Variants in GCC2 observed in about 807,000 individuals in gnomAD.
The protein encoded by GCC2 is GRIP and coiled-coil domain-containing protein 2.
Under a neutral mutation model 210.6 loss-of-function variants are expected in GCC2, and 120 were observed. That is an observed-to-expected ratio of 0.57 (90% confidence interval 0.49 to 0.66). The LOEUF (loss-of-function observed/expected upper bound fraction) is 0.66, where lower values mean the gene tolerates loss of function less well. GCC2 is among the 30% of genes least tolerant of loss of function. GCC2 has a pLI of 0.00. For missense variants in GCC2, 1,868 were observed against 1,871.9 expected (o/e 1.00, Z 0.04); for synonymous variants, 703 against 652.7 (o/e 1.08, Z -1.17).
rs1187652885 is a variant in GCC2 at position 108,469,047 on chromosome 2, T to C, written c.284T>C (p.Leu95Pro). 6.2e-7 allele frequency: 1 copy of C among 1,612,200 alleles called. No individual in the cohort carries two copies. Among genetic ancestry groups the C allele is most frequent in the South Asian group, 1.1e-5 (1 of 91,012 alleles). Reference sequence around the variant, plus strand: ...GAGACTGAGCAACAGTGTCTTTCTCTGAAAAAGGAAAATATAAAAATGAAG... The same window carrying C: ...GAGACTGAGCAACAGTGTCTTTCTCCGAAAAAGGAAAATATAAAAATGAAG... ...KAETEQQCLSLKKENIKMKQE... is the reference protein window; with the variant it reads ...KAETEQQCLSPKKENIKMKQE... The change falls in exon 5 of 23, where the codon CTG becomes CCG. Residue 95 changes from leucine to proline, a missense_variant. Coordinates refer to ENST00000309863, the MANE Select transcript of GCC2 (RefSeq NM_181453.4).
At chr2:108,491,315 T>C (rs1046568507) in intron 18 of GCC2, among the ~76,000 whole-genome samples, 7 of 152,198 alleles carry the variant, frequency 4.6e-5, no homozygotes, top group African/African-American at 1.4e-4. Context: ...TGCCTGAGAA[T>C]AGACACTTTA....
At position 108,504,912 on chromosome 2, in the gene GCC2, G is replaced by C. The variant is rs531730704; in HGVS notation, c.4985-2648G>C. 1.9e-3 allele frequency among the ~76,000 whole-genome samples: 291 copies of C among 152,252 alleles called. 3 individuals carry two copies. Among genetic ancestry groups the C allele is most frequent in the African/African-American group, 6.7e-3 (277 of 41,550 alleles). On this transcript the variant is annotated intron_variant, in intron 22 of 22. Coordinates refer to ENST00000309863, the MANE Select transcript of GCC2 (RefSeq NM_181453.4). ...GCAACCCAATAGGAAAATAGGCCAA[G>C]CCTGTTATAGGCTTTTTGATCATCT...
rs1417198054 is a variant in GCC2 at position 108,472,876 on chromosome 2, TAA to T, written c.2840_2841del (p.Lys947ArgfsTer22). ...GTAAAAAATGATCCTCTGTCTTCAG[TAA>T]AAGAGTTGGAAGAAAAAATAGGTAA... On this transcript the variant is annotated frameshift_variant, in exon 7 of 23. Transcript: ENST00000309863. LOFTEE classifies it high-confidence loss of function. The T allele has an allele frequency of 1.9e-6, 3 of 1,592,100 alleles. No individual in the cohort carries two copies. In the African/African-American group the frequency reaches 4.0e-5, roughly 21 times the overall value.
At chr2:108,461,059 A>G (rs918348228) in intron 4 of GCC2, among the ~76,000 whole-genome samples, 4 of 152,144 alleles carry the variant, frequency 2.6e-5, no homozygotes, top group African/African-American at 9.7e-5. Flanking sequence ...TTTTCTTTAT[A>G]AATTACCCAG....
In GCC2 at chr2:108,470,680, GAAA is replaced by G. The variant is rs1681151508; in HGVS notation, c.1354_1356del (p.Lys452del). On this transcript the variant is annotated inframe_deletion, in exon 6 of 23. Transcript: ENST00000309863. Reference sequence around the variant, plus strand: ...GACATTTTTGTCAGATTCAGAAAAAGAAAAATTAACATTAATGTTTGAAATACA... The same window carrying G: ...GACATTTTTGTCAGATTCAGAAAAAGAATTAACATTAATGTTTGAAATACA... 6.2e-7 allele frequency: 1 copy of G among 1,610,162 alleles called. No individual in the cohort carries two copies. The highest frequency in any genetic ancestry group is 8.5e-7 in the Non-Finnish European group (1 of 1,178,328).
chr2:108,496,149 G>C (rs1281275359), intron 20 of GCC2: 1 of 151,744 alleles, frequency 6.6e-6, no homozygotes, highest in Non-Finnish European at 1.5e-5. Context: ...GAAGTTTATA[G>C]TCACAAATAG....
chr2:108,500,430 T>C (rs1682860962), intron 22 of GCC2, among the ~76,000 whole-genome samples: 1 of 152,194 alleles, frequency 6.6e-6, no homozygotes, highest in Non-Finnish European at 1.5e-5. Context: ...GGAGAATTGC[T>C]CAAATCCAGG....
chr2:108,505,924 T>G (rs919027304), intron 22 of GCC2, among the ~76,000 whole-genome samples: 2 of 152,128 alleles, frequency 1.3e-5, no homozygotes, highest in African/African-American at 2.4e-5. Context: ...CCATGTAAAA[T>G]TTTGAAAATG....
chr2:108,453,974 A>G (rs1680102583), intron 4 of GCC2, among the ~76,000 whole-genome samples: 1 of 151,822 alleles, frequency 6.6e-6, no homozygotes, highest in South Asian at 2.1e-4. Context: ...TCCGTTGGTT[A>G]TATATTTATT....
At chr2:108,505,652 C>T (rs1683145183) in intron 22 of GCC2, among the ~76,000 whole-genome samples, 1 of 151,968 alleles carries the variant, frequency 6.6e-6, no homozygotes, top group Admixed American at 6.6e-5. Flanking sequence ...TAAATTCTTC[C>T]AACTACCACA....
rs371444812 is a variant in GCC2 at position 108,452,309 on chromosome 2, TG to T, written c.149-84del. 2.0e-4 allele frequency: 152 copies of T among 764,184 alleles called. No homozygotes were observed. In the East Asian group the frequency reaches 3.2e-3, roughly 16 times the overall value. The allele number at this position is 764,184 out of a possible 1,614,324, so 47.3% of individuals were successfully genotyped here. A position where few individuals can be genotyped will look rare whatever the true frequency, so the allele number is the denominator to read the frequency against. Reference sequence around the variant, plus strand: ...AAATATATTCTAATTTGCAGATTTATGGGGGGTTTTGTGAGAATGTACTTAT... The same window carrying T: ...AAATATATTCTAATTTGCAGATTTATGGGGGTTTTGTGAGAATGTACTTAT... On this transcript the variant is annotated intron_variant, in intron 3 of 22. Transcript: ENST00000309863.
chr2:108,507,615 G>C lies in GCC2; in HGVS notation c.5040G>C (p.Trp1680Cys), dbSNP rs1683267061. The change falls in exon 23 of 23, where the codon TGG becomes TGC. Residue 1680 changes from tryptophan to cysteine, a missense_variant. Coordinates refer to ENST00000309863, the MANE Select transcript of GCC2 (RefSeq NM_181453.4). Reference sequence around the variant, plus strand: ...GATGGGCATCCTATCTTCATAGTTGGTCTGGACTTCGATAGGTTGATGGAA... The same window carrying C: ...GATGGGCATCCTATCTTCATAGTTGCTCTGGACTTCGATAGGTTGATGGAA... Reference protein sequence around the residue: ...SSGWASYLHSWSGLR With the variant: ...SSGWASYLHSCSGLR The C allele has an allele frequency of 6.3e-7, 1 of 1,597,024 alleles. No homozygotes were observed.
intron 18 of GCC2, among the ~76,000 whole-genome samples, chr2:108,491,162 C>T (rs970211631): frequency 2.6e-5 from 4 of 152,110 alleles, no homozygotes; most frequent in African/African-American, 4.8e-5. Context: ...ATCTGTATTA[C>T]GCAGAGACTA....
At chr2:108,490,880 C>G (rs1191140919) in intron 18 of GCC2, among the ~76,000 whole-genome samples, 1 of 152,102 alleles carries the variant, frequency 6.6e-6, no homozygotes, top group African/African-American at 2.4e-5. Flanking sequence ...ACTGTTGATT[C>G]CTCTAAAGTA....
At position 108,508,223 on chromosome 2, in the gene GCC2, T is replaced by A. The variant is rs2104528611; in HGVS notation, c.*593T>A. On this transcript the variant is annotated 3_prime_UTR_variant, in exon 23 of 23. Transcript: ENST00000309863. ...GGTCAGAGTTACAGATTGTTATAAA[T>A]TGTTGAGAAATTTTTGTGATTAGAA... The A allele has an allele frequency of 6.6e-6, 1 of 151,134 alleles. No individual in the cohort carries two copies. The highest frequency in any genetic ancestry group is 1.9e-4 in the East Asian group (1 of 5,136). The allele number at this position is 151,134 out of a possible 1,614,324, so 9.4% of individuals were successfully genotyped here. A position where few individuals can be genotyped will look rare whatever the true frequency, so the allele number is the denominator to read the frequency against.
chr2:108,502,451 C>T, intron 22 of GCC2, among the ~76,000 whole-genome samples: 1 of 152,156 alleles, frequency 6.6e-6, no homozygotes, highest in Non-Finnish European at 1.5e-5. Flanking sequence ...AAACCCAGAA[C>T]TCTAAGATGT....
intron 4 of GCC2, among the ~76,000 whole-genome samples, chr2:108,457,177 A>T (rs1680319004): frequency 6.6e-6 from 1 of 152,136 alleles, no homozygotes; most frequent in South Asian, 2.1e-4. Context: ...ATGGTGAGAG[A>T]TAGGGACTCA....
intron 22 of GCC2, among the ~76,000 whole-genome samples, chr2:108,501,409 A>G (rs1682921333): frequency 6.6e-6 from 1 of 152,148 alleles, no homozygotes; most frequent in South Asian, 2.1e-4. Flanking sequence ...ATTACAGGGT[A>G]ACACTGAACT....
chr2:108,481,091 A>G (rs765159116), intron 9 of GCC2, among the ~76,000 whole-genome samples: 1 of 152,232 alleles, frequency 6.6e-6, no homozygotes, highest in Non-Finnish European at 1.5e-5. Context: ...GGATAACCTA[A>G]TTAGCTTGTG....
Sources: gnomAD v4.1 joint callset for allele counts (sites outside exome capture counted in the v4.1 genomes callset) on GRCh38, gnomAD v4.1.1 for gene constraint, MANE v1.5 for transcripts, NCBI Gene and HGNC (gene_info 2026-07-23, HGNC 2026-07-21) for gene names.